The following STK32B variants were observed in gnomAD, a reference collection of about 807,000 sequenced individuals.
STK32B encodes serine/threonine-protein kinase 32B.
Under a neutral mutation model 52.6 loss-of-function variants are expected in STK32B, and 43 were observed. The observed-to-expected ratio is 0.82, with a 90% CI of 0.64 to 1.05. The LOEUF (loss-of-function observed/expected upper bound fraction) is 1.05. Ranked by LOEUF, STK32B falls within the 50% of genes least tolerant of loss-of-function variation. The pLI is 0.00. For synonymous variants in STK32B, 238 were observed against 204.3 expected (o/e 1.17, Z -1.41); for missense variants, 621 against 534.6 (o/e 1.16, Z -1.59).
chr4:5,247,107 C>A (rs1270752685), intron 3 of STK32B, among the ~76,000 whole-genome samples: 1 of 152,232 alleles, frequency 6.6e-6, no homozygotes, highest in African/African-American at 2.4e-5. Context: ...AGCTGTCAGA[C>A]AGGGACATTT....
At chr4:5,345,765 A>G (rs958239117) in intron 4 of STK32B, among the ~76,000 whole-genome samples, 2 of 152,260 alleles carry the variant, frequency 1.3e-5, no homozygotes, top group Non-Finnish European at 2.9e-5. Context: ...CTTCAACAAC[A>G]CGTATCCATA....
At chr4:5,345,061 GAAAAC>G (rs1250634402) in intron 4 of STK32B, among the ~76,000 whole-genome samples, 1 of 150,726 alleles carries the variant, frequency 6.6e-6, no homozygotes, top group East Asian at 1.9e-4. Flanking sequence ...AAAAAAAAAA[GAAAAC>G]AAAAACACTT....
rs1303593043 is a variant in STK32B at position 5,422,929 on chromosome 4, C to CGGAACAA, written c.562+5996_562+6002dup. 2.6e-5 allele frequency among the ~76,000 whole-genome samples: 4 copies of CGGAACAA among 152,230 alleles called. 1 individual carries two copies. The East Asian group carries it at 7.7e-4, about 29-fold the overall frequency. On this transcript the variant is annotated intron_variant, in intron 6 of 11. Coordinates refer to ENST00000282908, the MANE Select transcript of STK32B (RefSeq NM_018401.3). ...GATAGAGAGAGGGCATTTAGGCAGA[C>CGGAACAA]GGAACAACCCATACAAAGGCATTGG...
At chr4:5,320,471 A>G (rs137964942) in intron 3 of STK32B, among the ~76,000 whole-genome samples, 12 of 152,338 alleles carry the variant, frequency 7.9e-5, no homozygotes, top group African/African-American at 2.9e-4. Context: ...ATCTATCAGT[A>G]CTTTTTCAGC....
the STK32B span, chr4:5,019,596 A>G: frequency 1.2e-6 from 1 of 813,108 alleles, no homozygotes; most frequent in Non-Finnish European, 1.7e-6. Flanking sequence ...CCCACCGGGC[A>G]GGGTCGGGAC....
chr4:5,167,915 C>T (rs143869287), intron 2 of STK32B, among the ~76,000 whole-genome samples: 27 of 152,300 alleles, frequency 1.8e-4, no homozygotes, highest in South Asian at 8.3e-4. Flanking sequence ...TGGGCACAGA[C>T]GGAGTCTGCG....
chr4:5,318,996 G>A (rs1014636530), intron 3 of STK32B, among the ~76,000 whole-genome samples: 7 of 151,938 alleles, frequency 4.6e-5, no homozygotes, highest in Non-Finnish European at 8.8e-5. Context: ...AGTAGAGATG[G>A]GGTTTCACTG....
chr4:5,255,707 T>G (rs536236461), intron 3 of STK32B, among the ~76,000 whole-genome samples: 1 of 152,366 alleles, frequency 6.6e-6, no homozygotes, highest in Non-Finnish European at 1.5e-5. Flanking sequence ...CTACTTTCAC[T>G]TAACATAATG....
intron 3 of STK32B, among the ~76,000 whole-genome samples, chr4:5,259,079 CTT>C (rs1017643946): frequency 1.3e-5 from 2 of 152,214 alleles, no homozygotes; most frequent in Non-Finnish European, 2.9e-5. Context: ...CTCCTCCAGT[CTT>C]TACTCAACAA....
chr4:5,174,266 T>G (rs1006671499), intron 3 of STK32B, among the ~76,000 whole-genome samples: 3 of 152,302 alleles, frequency 2.0e-5, no homozygotes, highest in South Asian at 2.1e-4. Context: ...GTTTGCCAGT[T>G]TGTGTTTTTT....
intron 4 of STK32B, among the ~76,000 whole-genome samples, chr4:5,388,169 C>A (rs1577430562): frequency 6.6e-6 from 1 of 152,170 alleles, no homozygotes; most frequent in African/African-American, 2.4e-5. Flanking sequence ...TTAAATAAAT[C>A]ACAGTATGGG....
intron 3 of STK32B, among the ~76,000 whole-genome samples, chr4:5,309,488 A>C (rs867233148): frequency 6.6e-6 from 1 of 152,210 alleles, no homozygotes; most frequent in Non-Finnish European, 1.5e-5. Flanking sequence ...TTCAAAGTAT[A>C]CCATAAAACT....
At chr4:5,088,106 A>C (rs1239854400) in intron 1 of STK32B, among the ~76,000 whole-genome samples, 1 of 152,112 alleles carries the variant, frequency 6.6e-6, no homozygotes, top group Non-Finnish European at 1.5e-5. Context: ...CTGTGATCGC[A>C]ACAGAAAAAA....
chr4:5,236,659 G>T (rs147131511), intron 3 of STK32B, among the ~76,000 whole-genome samples: 1 of 152,316 alleles, frequency 6.6e-6, no homozygotes, highest in African/African-American at 2.4e-5. Context: ...GGCTTACTTT[G>T]TTCAACAGTG....
At chr4:5,377,733 G>A (rs572866697) in intron 4 of STK32B, among the ~76,000 whole-genome samples, 6 of 152,212 alleles carry the variant, frequency 3.9e-5, no homozygotes, top group Admixed American at 3.3e-4. Context: ...GTTTTATAAG[G>A]CAGTTTTCTT....
chr4:5,374,246 T>C (rs1337596613), intron 4 of STK32B, among the ~76,000 whole-genome samples: 1 of 152,212 alleles, frequency 6.6e-6, no homozygotes, highest in Non-Finnish European at 1.5e-5. Context: ...TCATGGTCAT[T>C]TGTTACAGAA....
At chr4:5,177,550 A>G (rs113558110) in intron 3 of STK32B, among the ~76,000 whole-genome samples, 60 of 152,284 alleles carry the variant, frequency 3.9e-4, no homozygotes, top group African/African-American at 1.4e-3. Context: ...CAGTCCCCCA[A>G]AGTCTTAACT....
intron 11 of STK32B, among the ~76,000 whole-genome samples, chr4:5,490,890 A>G (rs1719672078): frequency 6.6e-6 from 1 of 152,206 alleles, no homozygotes; most frequent in Non-Finnish European, 1.5e-5. Flanking sequence ...ATGTCCCTAC[A>G]AAGGACATGA....
Position 5,262,597 on chromosome 4 carries a change from C to T in STK32B, c.261-68623C>T, listed in dbSNP as rs1726786169. ...CAGGGATCGTGCCACTGCACTCCAG[C>T]CTGGGCGACAGAGCGAGACTCCATC... On this transcript the variant is annotated intron_variant, in intron 3 of 11. Transcript: ENST00000282908. Among the ~76,000 whole-genome samples the T allele has an allele frequency of 2.7e-5, 4 of 150,252 alleles. No homozygotes were observed. The South Asian group carries it at 8.5e-4, about 32-fold the overall frequency.
Sources: gnomAD v4.1 joint callset for allele counts (sites outside exome capture counted in the v4.1 genomes callset) on GRCh38, gnomAD v4.1.1 for gene constraint, MANE v1.5 for transcripts, NCBI Gene and HGNC (gene_info 2026-07-23, HGNC 2026-07-21) for gene names.